Variants in PCDH7 observed in about 807,000 individuals in gnomAD.
The protein encoded by PCDH7 is protocadherin 7.
A neutral mutation model predicts 58.9 loss-of-function variants in PCDH7; 17 were observed. The ratio of observed to expected loss-of-function variants is 0.29; its 90% CI spans 0.20 to 0.43. PCDH7 has a LOEUF of 0.43. PCDH7 is among the 20% of genes least tolerant of loss of function. The probability of loss-of-function intolerance (pLI) is 1.00; values close to 1 mark genes in which losing one functional copy is unlikely to be tolerated. For missense variants in PCDH7, 1,274 were observed against 1,441.0 expected (o/e 0.88, Z 1.88); for synonymous variants, 664 against 616.4 (o/e 1.08, Z -1.14).
intron 3 of PCDH7, among the ~76,000 whole-genome samples, chr4:31,019,371 A>G (rs1027540437): frequency 6.6e-6 from 1 of 152,180 alleles, no homozygotes; most frequent in East Asian, 1.9e-4. Context: ...GCATGAGGCC[A>G]CATGTCTGGG....
chr4:30,814,961 TTCCCTG>T (rs1727480945), intron 1 of PCDH7, among the ~76,000 whole-genome samples: 1 of 152,020 alleles, frequency 6.6e-6, no homozygotes, highest in Non-Finnish European at 1.5e-5. Flanking sequence ...GTAAGTCTCT[TTCCCTG>T]TACTAGATGG....
intron 2 of PCDH7, among the ~76,000 whole-genome samples, chr4:30,927,822 C>A (rs1406375413): frequency 1.3e-5 from 2 of 149,552 alleles, no homozygotes; most frequent in Non-Finnish European, 3.0e-5. Flanking sequence ...TGCCAAATCC[C>A]CCTCTGCGAG....
intron 3 of PCDH7, among the ~76,000 whole-genome samples, chr4:31,127,100 A>G (rs1446955721): frequency 6.6e-6 from 1 of 152,168 alleles, no homozygotes; most frequent in Non-Finnish European, 1.5e-5. Context: ...AAAAAGAGAG[A>G]CTTAAATAAA....
intron 1 of PCDH7, among the ~76,000 whole-genome samples, chr4:30,899,454 C>T (rs1331031012): frequency 6.6e-6 from 1 of 152,158 alleles, no homozygotes; most frequent in East Asian, 1.9e-4. Flanking sequence ...GTGCTACTAC[C>T]TGTAGCTCCC....
intron 1 of PCDH7, among the ~76,000 whole-genome samples, chr4:30,766,947 C>T (rs1356749035): frequency 6.6e-6 from 1 of 152,026 alleles, no homozygotes; most frequent in Non-Finnish European, 1.5e-5. Context: ...GATGGGCTTA[C>T]AGTTGTGAAA....
At chr4:31,066,067 TC>T (rs926711355) in intron 3 of PCDH7, among the ~76,000 whole-genome samples, 2 of 151,846 alleles carry the variant, frequency 1.3e-5, no homozygotes, top group African/African-American at 2.4e-5. Flanking sequence ...TAACCAATGA[TC>T]ACCATCCTGT....
chr4:30,900,281 T>C (rs1225293113), intron 1 of PCDH7, among the ~76,000 whole-genome samples: 1 of 152,186 alleles, frequency 6.6e-6, no homozygotes, highest in Non-Finnish European at 1.5e-5. Flanking sequence ...GAGCAAAGAA[T>C]AGAACCAATA....
intron 1 of PCDH7, among the ~76,000 whole-genome samples, chr4:30,888,833 A>G (rs1738200513): frequency 6.6e-6 from 1 of 152,072 alleles, no homozygotes; most frequent in Non-Finnish European, 1.5e-5. Context: ...ATTTTATTGG[A>G]TTTTGGATAT....
chr4:30,784,135 A>G (rs1338575208), intron 1 of PCDH7, among the ~76,000 whole-genome samples: 2 of 152,190 alleles, frequency 1.3e-5, no homozygotes, highest in Non-Finnish European at 2.9e-5. Flanking sequence ...AATTGCTTCC[A>G]GGGCCATTTT....
intron 3 of PCDH7, among the ~76,000 whole-genome samples, chr4:31,001,742 G>C (rs1009648002): frequency 2.0e-5 from 3 of 152,070 alleles, no homozygotes; most frequent in South Asian, 2.1e-4. Context: ...AAGCTGTTTG[G>C]AACAGTTCCT....
intron 3 of PCDH7, among the ~76,000 whole-genome samples, chr4:31,055,139 C>G (rs1578670565): frequency 6.6e-6 from 1 of 152,114 alleles, no homozygotes; most frequent in African/African-American, 2.4e-5. Context: ...TGCCTTTGCT[C>G]CTTTTCTCCT....
At chr4:30,840,029 AGTGTGTGT>A (rs10687813) in intron 1 of PCDH7, among the ~76,000 whole-genome samples, 103 of 148,632 alleles carry the variant, frequency 6.9e-4, no homozygotes, top group African/African-American at 2.5e-3. Context: ...AATGATGATG[AGTGTGTGT>A]GTGTGTGTGT....
At chr4:30,851,322 T>C (rs1269597296) in intron 1 of PCDH7, among the ~76,000 whole-genome samples, 1 of 152,050 alleles carries the variant, frequency 6.6e-6, no homozygotes, top group African/African-American at 2.4e-5. Flanking sequence ...AGTTACTAAA[T>C]ATGTGATCTT....
intron 1 of PCDH7, among the ~76,000 whole-genome samples, chr4:30,914,849 A>G (rs1244986179): frequency 6.6e-6 from 1 of 152,148 alleles, no homozygotes; most frequent in Non-Finnish European, 1.5e-5. Flanking sequence ...AACAACCAAA[A>G]ATCAGGTAAC....
At chr4:30,978,468 TTTTTTAATAATA>T (rs1750269006) in intron 3 of PCDH7, among the ~76,000 whole-genome samples, 1 of 152,192 alleles carries the variant, frequency 6.6e-6, no homozygotes, top group African/African-American at 2.4e-5. Context: ...TAAACATGCT[TTTTTTAATAATA>T]TTTTTATATT....
At position 31,079,351 on chromosome 4, in the gene PCDH7, T is replaced by TAG. The variant is rs1406004953; in HGVS notation, c.*8-63121_*8-63120insGA. Among the ~76,000 whole-genome samples the TAG allele has an allele frequency of 2.8e-3, 231 of 83,476 alleles. 1 individual carries two copies. Among genetic ancestry groups the TAG allele is most frequent in the Middle Eastern group, 6.5e-3 (1 of 154 alleles). The allele number at this position is 83,476 out of a possible 152,430, so 54.8% of individuals were successfully genotyped here. A position where few individuals can be genotyped will look rare whatever the true frequency, so the allele number is the denominator to read the frequency against. On this transcript the variant is annotated intron_variant, in intron 3 of 3. Coordinates refer to the PCDH7 transcript ENST00000509759. The stretch of plus-strand genomic sequence containing the variant: ...ATATATATATATATATATATATATA[T>TAG]ATATATATATATACACCACATTTTC...
At chr4:31,096,435 T>C (rs6820142) in intron 3 of PCDH7, among the ~76,000 whole-genome samples, 3,722 of 152,220 alleles carry the variant, frequency 0.024, 147 homozygotes, top group African/African-American at 0.083. Flanking sequence ...AGAACCTTCT[T>C]TTCACCTTGT....
chr4:30,836,189 A>G (rs1267132298), intron 1 of PCDH7, among the ~76,000 whole-genome samples: 2 of 152,232 alleles, frequency 1.3e-5, no homozygotes, highest in African/African-American at 4.8e-5. Flanking sequence ...TCATTATGTT[A>G]TTGAGCATTT....
chr4:30,866,822 C>A (rs1442383029), intron 1 of PCDH7, among the ~76,000 whole-genome samples: 1 of 151,860 alleles, frequency 6.6e-6, no homozygotes, highest in Non-Finnish European at 1.5e-5. Context: ...AAAGATGAAA[C>A]CCTTCTGCAG....
Sources: gnomAD v4.1 joint callset for allele counts (sites outside exome capture counted in the v4.1 genomes callset) on GRCh38, gnomAD v4.1.1 for gene constraint, MANE v1.5 for transcripts, NCBI Gene and HGNC (gene_info 2026-07-23, HGNC 2026-07-21) for gene names.